The following ETV4 variants were observed in gnomAD, a reference collection of about 807,000 sequenced individuals.
ETV4 encodes the protein ETS translocation variant 4.
A neutral mutation model predicts 65.9 loss-of-function variants in ETV4; 42 were observed. The ratio of observed to expected loss-of-function variants is 0.64; its 90% confidence interval spans 0.50 to 0.82. The LOEUF (loss-of-function observed/expected upper bound fraction) is 0.82, where lower values mean the gene tolerates loss of function less well. Ranked by LOEUF, ETV4 falls within the 40% of genes least tolerant of loss-of-function variation. The pLI is 0.00. For missense variants in ETV4, 583 were observed against 630.3 expected (o/e 0.92, Z 0.80); for synonymous variants, 238 against 260.0 (o/e 0.92, Z 0.81).
chr17:43,537,588 C>A (rs1012572298), intron 4 of ETV4, among the ~76,000 whole-genome samples: 1 of 150,758 alleles, frequency 6.6e-6, no homozygotes, highest in African/African-American at 2.4e-5. Context: ...CCCAGCTACT[C>A]GGAAGGCTGA....
At chr17:43,530,335 C>T in intron 8 of ETV4, 154 bp from the exon 9 acceptor site, 1 of 1,479,188 alleles carries the variant, frequency 6.8e-7, no homozygotes, top group Non-Finnish European at 9.0e-7. Context: ...CCACAAAATC[C>T]CAGGGAAAGT....
At chr17:43,541,650 A>G (rs1971528144) in intron 4 of ETV4, among the ~76,000 whole-genome samples, 1 of 152,104 alleles carries the variant, frequency 6.6e-6, no homozygotes, top group Non-Finnish European at 1.5e-5. Flanking sequence ...CCCACACTAC[A>G]TATGCTCGGT....
At chr17:43,543,700 T>C (rs2154587302) in intron 4 of ETV4, among the ~76,000 whole-genome samples, 1 of 152,316 alleles carries the variant, frequency 6.6e-6, no homozygotes, top group East Asian at 1.9e-4. Context: ...GAGCTGGGCA[T>C]GCAGGACTTG....
intron 1 of ETV4, 124 bp from the exon 2 acceptor site, chr17:43,545,792 G>T (rs1971793609): frequency 1.6e-6 from 1 of 619,910 alleles, no homozygotes; most frequent in Admixed American, 2.9e-5. Flanking sequence ...GGGCGATGGC[G>T]AGGTTTCCGC....
chr17:43,531,262 A>C (rs1055357020), intron 8 of ETV4, among the ~76,000 whole-genome samples: 1 of 152,246 alleles, frequency 6.6e-6, no homozygotes. Flanking sequence ...ATGTAACAAA[A>C]GCCAGGAGGA....
At chr17:43,544,687 G>C (rs979643036) in intron 4 of ETV4, 7 of 303,140 alleles carry the variant, frequency 2.3e-5, no homozygotes, top group Non-Finnish European at 4.3e-5. Flanking sequence ...ATGGGCCTGG[G>C]GCCAAGTTCC....
chr17:43,535,316 C>G (rs1971183137), intron 5 of ETV4, among the ~76,000 whole-genome samples: 1 of 151,990 alleles, frequency 6.6e-6, no homozygotes. Context: ...CTCGCTCTGT[C>G]ACCCAGGCTG....
intron 4 of ETV4, among the ~76,000 whole-genome samples, chr17:43,536,747 G>A (rs966133230): frequency 1.3e-5 from 2 of 152,262 alleles, no homozygotes; most frequent in Admixed American, 1.3e-4. Flanking sequence ...GGCCTGGGCC[G>A]CATTCAAAGC....
chr17:43,534,100 C>T, intron 5 of ETV4, 115 bp from the exon 6 acceptor site: 2 of 1,158,900 alleles, frequency 1.7e-6, no homozygotes, highest in South Asian at 2.1e-5. Context: ...CAGCCTCCTT[C>T]CCTCTCTGGG....
intron 5 of ETV4, among the ~76,000 whole-genome samples, chr17:43,536,093 A>G (rs61425262): frequency 0.015 from 2,354 of 151,982 alleles, 66 homozygotes; most frequent in African/African-American, 0.055. Flanking sequence ...CCTGGGTGAC[A>G]GAGCAAGACT....
chr17:43,545,478 G>C, intron 2 of ETV4, 80 bp downstream of exon 2: 1 of 1,283,902 alleles, frequency 7.8e-7, no homozygotes, highest in South Asian at 1.3e-5. Context: ...ACTCCGCTGG[G>C]ACTGCGGGGA....
rs192287200 is a variant in ETV4 at position 43,533,809 on chromosome 17, T to A, written c.383+50A>T. 71 of 1,592,862 alleles carry A rather than the reference T, an allele frequency of 4.5e-5. No individual in the cohort carries two copies. The African/African-American group carries it at 8.9e-4, about 20-fold the overall frequency. ...TGCTCATGGGTGCCCCCTGCCTCCC[T>A]CCTCTGGAACCCTTCTCCTACCCTT... is the stretch of plus-strand genomic sequence containing the variant. On this transcript the variant is annotated intron_variant, in intron 6 of 12. Transcript: ENST00000319349.
intron 4 of ETV4, among the ~76,000 whole-genome samples, chr17:43,540,255 C>G (rs149638430): frequency 4.6e-4 from 70 of 152,266 alleles, no homozygotes; most frequent in African/African-American, 1.7e-3. Flanking sequence ...GAATTCTACA[C>G]CAGCCTGGCC....
rs372029979 is a variant in ETV4 at position 43,545,268 on chromosome 17, C to G, written c.154+6G>C. On this transcript the variant is annotated splice_donor_region_variant and intron_variant, in intron 3 of 12. Transcript: ENST00000319349. ...AGGGTCGCGGTTTGTCTCTCTTGCTCTTTACCTTCAGAGTCGAGGGGCGGC... is the reference window on the plus strand; with the variant it reads ...AGGGTCGCGGTTTGTCTCTCTTGCTGTTTACCTTCAGAGTCGAGGGGCGGC... 14 of 1,599,840 alleles carry G rather than the reference C, an allele frequency of 8.8e-6. No homozygotes were observed. The highest frequency in any genetic ancestry group is 1.3e-5 in the African/African-American group (1 of 74,346).
chr17:43,545,689 G>C, intron 1 of ETV4, 21 bp from the exon 2 acceptor site: 1 of 1,321,384 alleles, frequency 7.6e-7, no homozygotes, highest in South Asian at 1.3e-5. Context: ...AGGGGGCTGC[G>C]TTCGCACACC....
chr17:43,533,956 T>G lies in ETV4; in HGVS notation c.286A>C (p.Lys96Gln). Residue 96 changes from lysine (K) to glutamine (Q), a missense_variant, in exon 6 of 13, where the codon AAG becomes CAG. Lys to Gln is a moderately conservative substitution (Grantham distance 53). Transcript: ENST00000319349. ...GTGCGGGGACTCTGGGGCTCCTTCT[T>G]GATCCTGGTGGTGGGGCTGTGGAAA... ...LAFHSPTTRI[K>Q]KEPQSPRTDP... The G allele has an allele frequency of 6.5e-7, 1 of 1,543,012 alleles. No homozygotes were observed. Among genetic ancestry groups the G allele is most frequent in the Non-Finnish European group, 8.7e-7 (1 of 1,155,606 alleles).
Position 43,528,188 on chromosome 17 carries a change from G to A in ETV4, c.*331C>T. 1 of 268,996 alleles carries A rather than the reference G, an allele frequency of 3.7e-6. No homozygotes were observed. The highest frequency in any genetic ancestry group is 7.0e-6 in the Non-Finnish European group (1 of 142,706). The allele number at this position is 268,996 out of a possible 1,614,324, so 16.7% of individuals were successfully genotyped here. On this transcript the variant is annotated 3_prime_UTR_variant, in exon 13 of 13. Coordinates refer to ENST00000319349, the MANE Select transcript of ETV4 (RefSeq NM_001079675.5). ...TATGAAGTTGGGAAGCGCCTTCTCT[G>A]TCCCCCAGAACAGAACAAACTCTTG...
At position 43,533,323 on chromosome 17, in the gene ETV4, C is replaced by T. The variant is rs922785239; in HGVS notation, c.409G>A (p.Ala137Thr). ...SSAYDPPRQI[A>T]IKSPAPGALG... ...GCACCAGGGGCAGGGGACTTGATGG[C>T]GATTTGTCTGGGGGGGTCATAGGCA... Residue 137 changes from alanine (A) to threonine (T), a missense_variant, in exon 7 of 13, where the codon GCC (alanine) becomes ACC (threonine). Transcript: ENST00000319349. 3.1e-6 allele frequency: 5 copies of T among 1,613,336 alleles called. No homozygotes were observed. The highest frequency in any genetic ancestry group is 2.2e-5 in the East Asian group (1 of 44,840).
At position 43,529,603 on chromosome 17, in the gene ETV4, C is replaced by A. The variant is rs201551646; in HGVS notation, c.1029G>T (p.Leu343=). The A allele has an allele frequency of 1.4e-4, 232 of 1,614,146 alleles. No homozygotes were observed. Among genetic ancestry groups the A allele is most frequent in the Non-Finnish European group, 1.6e-4 (185 of 1,180,030 alleles). The change falls in exon 11 of 13, where the codon CTG becomes CTT. Residue 343 remains leucine (L), a synonymous_variant. Transcript: ENST00000319349. ...CCAGCAAGGCCACCAGAAATTGCCA[C>A]AGCTGCAGGGCACCCCGGCGCTGGT... ...PPYQRRGALQ[L]WQFLVALLDD... is the part of the protein sequence containing the mutation.
Sources: gnomAD v4.1 joint callset for allele counts (sites outside exome capture counted in the v4.1 genomes callset) on GRCh38, gnomAD v4.1.1 for gene constraint, MANE v1.5 for transcripts, NCBI Gene and HGNC (gene_info 2026-07-23, HGNC 2026-07-21) for gene names.